ANK3: variants seen among roughly 807,000 people sequenced by gnomAD.
The protein encoded by ANK3 is ankyrin 3, also known as ankyrin-3.
In ANK3, 57 loss-of-function variants were observed where a neutral mutation model predicts 370.9. The ratio of observed to expected loss-of-function variants is 0.15; its 90% CI spans 0.12 to 0.19. ANK3 has a LOEUF of 0.19. Ranked by LOEUF, ANK3 falls within the 10% of genes least tolerant of loss-of-function variation. The probability of loss-of-function intolerance (pLI) is 1.00; values close to 1 mark genes in which losing one functional copy is unlikely to be tolerated. For synonymous variants in ANK3, 1,929 were observed against 1,946.3 expected (o/e 0.99, Z 0.23); for missense variants, 4,439 against 5,302.1 (o/e 0.84, Z 5.06).
At chr10:60,684,803 T>G in intron 1 of ANK3, 3 of 1,539,502 alleles carry the variant, frequency 1.9e-6, no homozygotes, top group South Asian at 2.3e-5. Flanking sequence ...TTATTTCTTA[T>G]GGACTCTGTT....
chr10:60,226,512 TA>T (rs1363236683), intron 8 of ANK3, among the ~76,000 whole-genome samples: 5 of 51,446 alleles, frequency 9.7e-5, no homozygotes, highest in Non-Finnish European at 1.6e-4. Flanking sequence ...TATATATACA[TA>T]GTATATATAC....
chr10:60,178,550 TATTA>T (rs766839263), intron 18 of ANK3, among the ~76,000 whole-genome samples: 3 of 152,214 alleles, frequency 2.0e-5, no homozygotes, highest in Non-Finnish European at 4.4e-5. Flanking sequence ...ATGACTTTGT[TATTA>T]TAATACTATG....
Position 60,347,051 on chromosome 10 carries a change from T to G in ANK3, c.114+42374A>C, listed in dbSNP as rs1002651688. On this transcript the variant is annotated intron_variant, in intron 1 of 43. Transcript: ENST00000280772. The stretch of plus-strand genomic sequence containing the variant: ...TACAGTACTGCATTAGCAAGAAATA[T>G]ATGATATATATATATATATATATTG... Among the ~76,000 whole-genome samples, 29 of 62,250 alleles carry G rather than the reference T, an allele frequency of 4.7e-4. 1 individual carries two copies. The highest frequency in any genetic ancestry group is 2.1e-4 in the Non-Finnish European group (6 of 28,070). 40.8% of individuals were successfully genotyped at this position (62,250 alleles called of 152,430 possible).
intron 2 of ANK3, among the ~76,000 whole-genome samples, chr10:60,575,390 A>G (rs187340476): frequency 2.6e-5 from 4 of 152,320 alleles, no homozygotes; most frequent in Admixed American, 2.0e-4. Flanking sequence ...AATTCTACAA[A>G]AGATCATTTT....
At chr10:60,081,979 G>T in intron 35 of ANK3, 171 bp downstream of exon 35, 1 of 457,734 alleles carries the variant, frequency 2.2e-6, no homozygotes, top group Non-Finnish European at 3.8e-6. Flanking sequence ...TCTTAAGTAC[G>T]TGTGGAAGAA....
At chr10:60,689,538 G>A (rs914325476) in intron 1 of ANK3, among the ~76,000 whole-genome samples, 3 of 152,100 alleles carry the variant, frequency 2.0e-5, no homozygotes, top group African/African-American at 7.2e-5. Context: ...GATCACTTGA[G>A]CTCAGGAGTT....
chr10:60,518,409 A>C (rs2076273891), intron 2 of ANK3, among the ~76,000 whole-genome samples: 1 of 152,134 alleles, frequency 6.6e-6, no homozygotes, highest in Admixed American at 6.5e-5. Context: ...TGGATTCTTC[A>C]GATACCTATG....
intron 1 of ANK3, among the ~76,000 whole-genome samples, chr10:60,661,947 G>A (rs561597954): frequency 9.9e-5 from 15 of 152,196 alleles, no homozygotes; most frequent in African/African-American, 3.1e-4. Flanking sequence ...GAACCAGATC[G>A]TCTGGTTCCA....
chr10:60,356,571 C>T lies in ANK3; in HGVS notation c.114+32854G>A, dbSNP rs114685475. 2.2e-3 allele frequency among the ~76,000 whole-genome samples: 328 copies of T among 152,310 alleles called. 1 individual carries two copies. Among genetic ancestry groups the T allele is most frequent in the African/African-American group, 7.2e-3 (300 of 41,560 alleles). On this transcript the variant is annotated intron_variant, in intron 1 of 43. Transcript: ENST00000280772. ...AGGTTAGAACACTTGCACATTGGCCCCAGCTAAATGCTTTGGACTCTATTG... is the reference window on the plus strand; with the variant it reads ...AGGTTAGAACACTTGCACATTGGCCTCAGCTAAATGCTTTGGACTCTATTG...
intron 7 of ANK3, among the ~76,000 whole-genome samples, chr10:60,240,131 T>TACAC (rs1214888288): frequency 0.031 from 2,623 of 85,236 alleles, 79 homozygotes; most frequent in African/African-American, 0.088. Flanking sequence ...CACATATATA[T>TACAC]ACATATATAT....
At chr10:60,573,651 A>T (rs528709758) in intron 2 of ANK3, among the ~76,000 whole-genome samples, 34 of 152,302 alleles carry the variant, frequency 2.2e-4, no homozygotes, top group African/African-American at 8.2e-4. Context: ...ATCCATTTAA[A>T]CACAGCCAAA....
intron 1 of ANK3, among the ~76,000 whole-genome samples, chr10:60,694,275 G>A (rs2079407075): frequency 6.6e-6 from 1 of 152,172 alleles, no homozygotes; most frequent in African/African-American, 2.4e-5. Context: ...ACATCTGATT[G>A]GTGTACCTGA....
chr10:60,514,055 C>A (rs903530890), intron 2 of ANK3, among the ~76,000 whole-genome samples: 2 of 152,152 alleles, frequency 1.3e-5, no homozygotes, highest in Non-Finnish European at 2.9e-5. Flanking sequence ...TCTACTTCCT[C>A]TCAATGAATA....
Position 60,216,069 on chromosome 10 carries a change from T to C in ANK3, c.898-2559A>G, listed in dbSNP as rs139289969. Reference sequence around the variant, plus strand: ...TCCTTGCAGAGGTCCTTCACATCCCTTGTTGGCTGTATACCTACGTATTTT... The same window carrying C: ...TCCTTGCAGAGGTCCTTCACATCCCCTGTTGGCTGTATACCTACGTATTTT... On this transcript the variant is annotated intron_variant, in intron 8 of 43. Coordinates refer to ENST00000280772, the MANE Select transcript of ANK3 (RefSeq NM_020987.5). 3.0e-3 allele frequency among the ~76,000 whole-genome samples: 459 copies of C among 152,310 alleles called. 4 individuals are homozygous for C. Among genetic ancestry groups the C allele is most frequent in the African/African-American group, 0.011 (441 of 41,562 alleles).
At chr10:60,208,543 G>C (rs1222756844) in intron 9 of ANK3, among the ~76,000 whole-genome samples, 1 of 152,172 alleles carries the variant, frequency 6.6e-6, no homozygotes. Flanking sequence ...TTTAAATAGA[G>C]ATGGGGTTTC....
At chr10:60,615,048 C>A in intron 2 of ANK3, 1 of 543,146 alleles carries the variant, frequency 1.8e-6, no homozygotes, top group South Asian at 4.1e-5. Context: ...ATAAAAATAA[C>A]AACAACAACA....
At chr10:60,389,913 C>T, upstream of ANK3, 1 of 950,206 alleles carries the variant, frequency 1.1e-6, no homozygotes, top group Non-Finnish European at 1.3e-6. Flanking sequence ...AAGGATGCTT[C>T]TCCAAAGGGG....
intron 1 of ANK3, among the ~76,000 whole-genome samples, chr10:60,287,269 T>A (rs2040227745): frequency 6.6e-6 from 1 of 152,128 alleles, no homozygotes; most frequent in Non-Finnish European, 1.5e-5. Flanking sequence ...TTCAGAAGAC[T>A]TATTTTTATT....
intron 26 of ANK3, among the ~76,000 whole-genome samples, chr10:60,109,443 T>C (rs1271270500): frequency 6.6e-6 from 1 of 152,226 alleles, no homozygotes; most frequent in East Asian, 1.9e-4. Flanking sequence ...GTTTTTGCCA[T>C]ATGCTGCCAT....
Sources: allele counts gnomAD v4.1 joint callset (sites outside exome capture counted in the v4.1 genomes callset), GRCh38; gene constraint gnomAD v4.1.1; transcripts MANE v1.5; gene names NCBI Gene and HGNC (gene_info 2026-07-23, HGNC 2026-07-21).